TMEM17: variants seen among roughly 807,000 people sequenced by gnomAD.
TMEM17 encodes the protein transmembrane protein 17.
TMEM17 carries 15 observed loss-of-function variants against 19.1 expected under a neutral mutation model. The observed-to-expected ratio is 0.78, with a 90% confidence interval of 0.52 to 1.21. The LOEUF is 1.21. Among genes scored for constraint, TMEM17 ranks in the 50% most tolerant of loss-of-function variants. TMEM17 has a pLI of 0.00. For missense variants in TMEM17, 245 were observed against 242.3 expected, an observed-to-expected ratio of 1.01 and a Z score of -0.07; for synonymous variants, 103 against 86.9, an observed-to-expected ratio of 1.19 and a Z score of -1.03.
the TMEM17 span, among the ~76,000 whole-genome samples, chr2:62,465,478 A>G: frequency 6.6e-6 from 1 of 152,202 alleles, no homozygotes; most frequent in Non-Finnish European, 1.5e-5. Flanking sequence ...AGTTTCTTAA[A>G]AAGTGACTCA....
chr2:62,464,554 A>C, the TMEM17 span, among the ~76,000 whole-genome samples: 1 of 152,246 alleles, frequency 6.6e-6, no homozygotes, highest in Non-Finnish European at 1.5e-5. Context: ...CCAAAAGTGC[A>C]TAACCTCCAT....
At chr2:62,460,849 G>T in the TMEM17 span, among the ~76,000 whole-genome samples, 1 of 152,218 alleles carries the variant, frequency 6.6e-6, no homozygotes, top group Non-Finnish European at 1.5e-5. Context: ...AACACCTGCT[G>T]TGTGCCAGGC....
the TMEM17 span, among the ~76,000 whole-genome samples, chr2:62,479,552 G>T: frequency 6.6e-6 from 1 of 152,178 alleles, no homozygotes; most frequent in East Asian, 1.9e-4. Context: ...TGGGGGTGTG[G>T]ATGTCTCTGA....
the TMEM17 span, among the ~76,000 whole-genome samples, chr2:62,479,093 A>C: frequency 6.6e-6 from 1 of 152,326 alleles, no homozygotes; most frequent in South Asian, 2.1e-4. Context: ...TTCTCCTTCT[A>C]GCTGTTTGAA....
At chr2:62,455,433 GC>G in the TMEM17 span, among the ~76,000 whole-genome samples, 2 of 152,142 alleles carry the variant, frequency 1.3e-5, no homozygotes, top group African/African-American at 4.8e-5. Flanking sequence ...GTTCTTATAT[GC>G]ACATATATTT....
downstream of TMEM17, among the ~76,000 whole-genome samples, chr2:62,498,444 C>G (rs960393318): frequency 7.0e-6 from 1 of 142,796 alleles, no homozygotes; most frequent in Non-Finnish European, 1.5e-5. Context: ...TGGCCGGGCG[C>G]GGTGGCTCAC....
the TMEM17 span, among the ~76,000 whole-genome samples, chr2:62,489,774 C>T: frequency 6.6e-6 from 1 of 152,094 alleles, no homozygotes; most frequent in African/African-American, 2.4e-5. Flanking sequence ...AATTTGAACT[C>T]TGTTAAAAAA....
chr2:62,456,370 C>A, the TMEM17 span, among the ~76,000 whole-genome samples: 1 of 152,232 alleles, frequency 6.6e-6, no homozygotes, highest in Non-Finnish European at 1.5e-5. Flanking sequence ...TCTTACCCAT[C>A]TTCAAAGCCA....
chr2:62,457,904 G>A, the TMEM17 span, among the ~76,000 whole-genome samples: 6 of 152,276 alleles, frequency 3.9e-5, no homozygotes, highest in South Asian at 1.2e-3. The surrounding 1 kb of genome is among the most constrained non-coding windows in gnomAD (Gnocchi z 4.2). Context: ...TTGCACCAAC[G>A]TTTTCCTCAT....
At chr2:62,468,325 C>G in the TMEM17 span, among the ~76,000 whole-genome samples, 1 of 152,052 alleles carries the variant, frequency 6.6e-6, no homozygotes, top group African/African-American at 2.4e-5. Context: ...CCAGCACATC[C>G]CTGGACTAGC....
chr2:62,486,632 T>A, the TMEM17 span, among the ~76,000 whole-genome samples: 1 of 152,176 alleles, frequency 6.6e-6, no homozygotes, highest in Non-Finnish European at 1.5e-5. Flanking sequence ...GAAATTAGTT[T>A]GGAGAAGCCT....
At chr2:62,454,617 C>A in the TMEM17 span, among the ~76,000 whole-genome samples, 190 of 152,290 alleles carry the variant, frequency 1.2e-3, 1 homozygote, top group African/African-American at 4.5e-3. Flanking sequence ...AATGCAAATA[C>A]TCCTGTGAGG....
the TMEM17 span, among the ~76,000 whole-genome samples, chr2:62,459,032 G>A: frequency 6.6e-6 from 1 of 152,194 alleles, no homozygotes; most frequent in Admixed American, 6.5e-5. Flanking sequence ...CACTTCTCTT[G>A]GATAAATATC....
chr2:62,482,545 G>A, the TMEM17 span, among the ~76,000 whole-genome samples: 1 of 152,204 alleles, frequency 6.6e-6, no homozygotes, highest in African/African-American at 2.4e-5. Flanking sequence ...GGATGAACAT[G>A]TATCCAGGCT....
the TMEM17 span, among the ~76,000 whole-genome samples, chr2:62,480,206 TAA>T: frequency 6.6e-6 from 1 of 152,176 alleles, no homozygotes; most frequent in Admixed American, 6.5e-5. Context: ...TGGCTATTTG[TAA>T]GTCTTCTTTT....
the TMEM17 span, among the ~76,000 whole-genome samples, chr2:62,468,523 TC>T: frequency 6.6e-6 from 1 of 152,216 alleles, no homozygotes; most frequent in East Asian, 1.9e-4. Context: ...TTTTGTCACA[TC>T]TACGTTTAAC....
At chr2:62,479,658 A>AG in the TMEM17 span, among the ~76,000 whole-genome samples, 1 of 152,170 alleles carries the variant, frequency 6.6e-6, no homozygotes, top group African/African-American at 2.4e-5. Flanking sequence ...GGCCGAGGCC[A>AG]GCAGACTGCT....
At chr2:62,459,715 A>G in the TMEM17 span, among the ~76,000 whole-genome samples, 2 of 152,368 alleles carry the variant, frequency 1.3e-5, no homozygotes, top group East Asian at 1.9e-4. Context: ...GCCATTGTAT[A>G]TTGTTTTGAA....
the TMEM17 span, among the ~76,000 whole-genome samples, chr2:62,477,135 G>A: frequency 5.9e-5 from 9 of 152,304 alleles, no homozygotes; most frequent in African/African-American, 1.4e-4. Flanking sequence ...AGTGGCTCAC[G>A]CCTGTAATCC....
Sources: allele counts gnomAD v4.1 joint callset (sites outside exome capture counted in the v4.1 genomes callset), GRCh38; gene constraint gnomAD v4.1.1; non-coding constraint Gnocchi (gnomAD v3.1); transcripts MANE v1.5; gene names NCBI Gene and HGNC (gene_info 2026-07-23, HGNC 2026-07-21).